Variants in NT5M observed in about 807,000 individuals in gnomAD.
The protein encoded by NT5M is 5'(3')-deoxyribonucleotidase, mitochondrial.
NT5M carries 22 observed loss-of-function variants against 22.2 expected under a neutral mutation model. The observed-to-expected ratio is 0.99, with a 90% confidence interval of 0.71 to 1.41. The LOEUF is 1.41. Ranked by LOEUF, NT5M falls within the 40% of genes most tolerant of loss-of-function variation. The pLI is 0.00. For missense variants in NT5M, 322 were observed against 314.8 expected (o/e 1.02, Z -0.17); for synonymous variants, 167 against 133.0 (o/e 1.26, Z -1.76).
At chr17:17,331,956 A>AT (rs1262687636) in intron 3 of NT5M, among the ~76,000 whole-genome samples, 1 of 150,828 alleles carries the variant, frequency 6.6e-6, no homozygotes, top group Non-Finnish European at 1.5e-5. Context: ...AATTTTTTGT[A>AT]TTTTTAGTAG....
chr17:17,335,211 T>G (rs2049481714), intron 3 of NT5M, among the ~76,000 whole-genome samples: 1 of 152,172 alleles, frequency 6.6e-6, no homozygotes, highest in Admixed American at 6.5e-5. Context: ...TCGTTTTTAA[T>G]GCTATTATAA....
chr17:17,347,172 G>A lies in NT5M; in HGVS notation c.*225G>A, dbSNP rs144707543. 314 of 580,924 alleles carry A rather than the reference G, an allele frequency of 5.4e-4. No individual in the cohort carries two copies. In the Middle Eastern group the frequency reaches 6.9e-3, roughly 13 times the overall value. 36.0% of individuals were successfully genotyped at this position (580,924 alleles called of 1,614,324 possible). On this transcript the variant is annotated 3_prime_UTR_variant, in exon 5 of 5. Coordinates refer to ENST00000389022, the MANE Select transcript of NT5M (RefSeq NM_020201.4). ...GGACATAGACACGTGGTCCCAGGCCGTTCAGCCTGACCTCAGGCAGCAGGC... is the reference window on the plus strand; with the variant it reads ...GGACATAGACACGTGGTCCCAGGCCATTCAGCCTGACCTCAGGCAGCAGGC...
intron 2 of NT5M, among the ~76,000 whole-genome samples, chr17:17,321,495 G>T (rs931729176): frequency 2.6e-5 from 4 of 151,820 alleles, no homozygotes; most frequent in Admixed American, 2.6e-4. Context: ...GATGAGGTGG[G>T]CTTGGAGTCT....
At chr17:17,312,566 C>T (rs775247713) in intron 2 of NT5M, among the ~76,000 whole-genome samples, 3 of 151,156 alleles carry the variant, frequency 2.0e-5, no homozygotes, top group Non-Finnish European at 2.9e-5. Context: ...ATTGCTTGCA[C>T]CTGGGAGGTG....
At chr17:17,328,604 C>T (rs940101212) in intron 3 of NT5M, among the ~76,000 whole-genome samples, 1 of 152,182 alleles carries the variant, frequency 6.6e-6, no homozygotes, top group Non-Finnish European at 1.5e-5. Flanking sequence ...CCCACGGTAG[C>T]CCCGGTCTAG....
intron 3 of NT5M, among the ~76,000 whole-genome samples, chr17:17,329,493 G>A (rs1209975713): frequency 1.3e-5 from 2 of 152,126 alleles, no homozygotes; most frequent in South Asian, 2.1e-4. Context: ...GAAAATCCGT[G>A]TCAGGTTCTT....
intron 3 of NT5M, among the ~76,000 whole-genome samples, chr17:17,330,621 C>T (rs897989394): frequency 6.6e-6 from 1 of 152,134 alleles, no homozygotes; most frequent in Non-Finnish European, 1.5e-5. Context: ...GGTGATCCAT[C>T]TGCCTCAGCC....
chr17:17,317,270 C>CG (rs1180673680), intron 2 of NT5M, among the ~76,000 whole-genome samples: 1 of 151,710 alleles, frequency 6.6e-6, no homozygotes, highest in Non-Finnish European at 1.5e-5. Flanking sequence ...AGGTTAGTCT[C>CG]GATCTCCTGA....
chr17:17,319,361 C>T (rs765628334), intron 2 of NT5M, among the ~76,000 whole-genome samples: 15 of 151,908 alleles, frequency 9.9e-5, no homozygotes, highest in South Asian at 2.1e-4. Context: ...TCTTTAAATT[C>T]GATTGTGGTG....
intron 2 of NT5M, among the ~76,000 whole-genome samples, chr17:17,309,831 G>T (rs6502576): frequency 0.77 from 113,297 of 147,806 alleles, 43,862 homozygotes; most frequent in Non-Finnish European, 0.83. Flanking sequence ...TGTGGTTTTT[G>T]TTTTTTTTTT....
chr17:17,330,940 A>G (rs1051176754), intron 3 of NT5M, among the ~76,000 whole-genome samples: 1 of 150,742 alleles, frequency 6.6e-6, no homozygotes, highest in African/African-American at 2.5e-5. Flanking sequence ...ATGGGGTTTC[A>G]TCGTGTTGCC....
intron 2 of NT5M, among the ~76,000 whole-genome samples, chr17:17,318,556 C>T (rs1468124696): frequency 4.1e-5 from 6 of 147,066 alleles, no homozygotes; most frequent in South Asian, 2.1e-4. Flanking sequence ...GAGGCTGAGG[C>T]GGGCGGATCA....
At chr17:17,336,965 G>C (rs1169127657) in intron 3 of NT5M, among the ~76,000 whole-genome samples, 2 of 152,178 alleles carry the variant, frequency 1.3e-5, no homozygotes, top group African/African-American at 4.8e-5. Flanking sequence ...ATGGGAGTGC[G>C]AGTATCTTTT....
intron 2 of NT5M, among the ~76,000 whole-genome samples, chr17:17,316,183 A>G (rs2049024364): frequency 2.0e-5 from 3 of 151,702 alleles, no homozygotes; most frequent in Admixed American, 2.0e-4. Flanking sequence ...TCAGCCTCCC[A>G]AGTAGCTGGG....
chr17:17,305,291 A>C (rs2048771399), intron 1 of NT5M, among the ~76,000 whole-genome samples: 1 of 151,538 alleles, frequency 6.6e-6, no homozygotes, highest in African/African-American at 2.4e-5. Context: ...CCTTGGGAGT[A>C]ATCTGCTGGC....
chr17:17,304,113 C>G (rs1280501652), intron 1 of NT5M, among the ~76,000 whole-genome samples: 1 of 152,194 alleles, frequency 6.6e-6, no homozygotes, highest in Non-Finnish European at 1.5e-5. Flanking sequence ...GGCCTCAAGT[C>G]GTTTGTTAAA....
rs568220290 is a variant in NT5M at position 17,343,943 on chromosome 17, T to G, written c.430-851T>G. Among the ~76,000 whole-genome samples the G allele has an allele frequency of 3.3e-5, 5 of 152,232 alleles. No individual in the cohort carries two copies. The East Asian group carries it at 9.7e-4, about 29-fold the overall frequency. ...CATGGGCCAGAGCAGGTGCCGTGCT[T>G]AGGCTGCGCCCACCCCTGGCTGCAC... On this transcript the variant is annotated intron_variant, in intron 3 of 4. Transcript: ENST00000389022.
At chr17:17,316,018 G>A (rs1193940455) in intron 2 of NT5M, among the ~76,000 whole-genome samples, 3 of 151,080 alleles carry the variant, frequency 2.0e-5, no homozygotes, top group Non-Finnish European at 4.4e-5. Context: ...GCCTCCCAAA[G>A]TGCTGGGATT....
intron 1 of NT5M, chr17:17,304,034 G>C (rs968524547): frequency 1.7e-6 from 2 of 1,202,522 alleles, no homozygotes; most frequent in African/African-American, 3.2e-5. Flanking sequence ...CTGAAAATGC[G>C]GGAGAGTACA....
Sources: gnomAD v4.1 joint callset for allele counts (sites outside exome capture counted in the v4.1 genomes callset) on GRCh38, gnomAD v4.1.1 for gene constraint, MANE v1.5 for transcripts, NCBI Gene and HGNC (gene_info 2026-07-23, HGNC 2026-07-21) for gene names.